The following XYLT1 variants were observed in gnomAD, a reference collection of about 807,000 sequenced individuals.
XYLT1 encodes beta-D-xylosyltransferase 1.
Under a neutral mutation model 91.3 loss-of-function variants are expected in XYLT1, and 36 were observed. The ratio of observed to expected loss-of-function variants is 0.39; its 90% CI spans 0.30 to 0.52. The LOEUF is 0.52. Among genes scored for constraint, XYLT1 ranks in the 20% least tolerant of loss-of-function variants. XYLT1 has a pLI of 0.68. For synonymous variants in XYLT1, 588 were observed against 532.0 expected (o/e 1.11, Z -1.45); for missense variants, 1,242 against 1,284.5 (o/e 0.97, Z 0.51).
intron 1 of XYLT1, among the ~76,000 whole-genome samples, chr16:17,362,806 T>G (rs2035401885): frequency 6.6e-6 from 1 of 152,230 alleles, no homozygotes; most frequent in Non-Finnish European, 1.5e-5. Flanking sequence ...TCTTTGGTGT[T>G]AGGCAATGAC....
chr16:17,337,983 G>A (rs1019383647), intron 2 of XYLT1, among the ~76,000 whole-genome samples: 8 of 151,986 alleles, frequency 5.3e-5, no homozygotes, highest in Middle Eastern at 3.4e-3. Flanking sequence ...CGCCATGTTG[G>A]CCAGGCTGGT....
chr16:17,307,514 G>A (rs1412733682), intron 2 of XYLT1, among the ~76,000 whole-genome samples: 3 of 152,338 alleles, frequency 2.0e-5, no homozygotes, highest in Middle Eastern at 3.4e-3. Flanking sequence ...CTTGGGTGCA[G>A]AGGAAATCTG....
rs967934260 is a variant in XYLT1, at chr16:17,108,631, C to G, written c.*64G>C. ...CAGGGTGGGAGGCCGGGGTTCAGGC[C>G]CCACAACCCCTCTGGCTGCTTTCCC... On this transcript the variant is annotated 3_prime_UTR_variant, in exon 12 of 12. Transcript: ENST00000261381. 6.8e-7 allele frequency: 1 copy of G among 1,467,954 alleles called. No individual in the cohort carries two copies. The highest frequency in any genetic ancestry group is 9.0e-7 in the Non-Finnish European group (1 of 1,104,994). 90.9% of individuals were successfully genotyped at this position (1,467,954 alleles called of 1,614,324 possible). A position where few individuals can be genotyped will look rare whatever the true frequency, so the allele number is the denominator to read the frequency against.
At chr16:17,135,166 C>A (rs999757892) in intron 8 of XYLT1, among the ~76,000 whole-genome samples, 2 of 152,124 alleles carry the variant, frequency 1.3e-5, no homozygotes, top group Non-Finnish European at 2.9e-5. Flanking sequence ...CTTTTGGCTT[C>A]TCTTTAAACA....
intron 1 of XYLT1, among the ~76,000 whole-genome samples, chr16:17,363,050 C>A (rs2035405098): frequency 6.6e-6 from 1 of 152,216 alleles, no homozygotes; most frequent in Non-Finnish European, 1.5e-5. Context: ...CACTGTCACT[C>A]ATCATCCAAC....
chr16:17,421,734 C>T (rs188909221), intron 1 of XYLT1, among the ~76,000 whole-genome samples: 17 of 152,358 alleles, frequency 1.1e-4, no homozygotes, highest in African/African-American at 4.1e-4. Context: ...AACCTCCCAG[C>T]AGAGCCCTTC....
intron 3 of XYLT1, among the ~76,000 whole-genome samples, chr16:17,251,878 G>GAT (rs1313101675): frequency 6.6e-6 from 1 of 152,050 alleles, no homozygotes; most frequent in African/African-American, 2.4e-5. Flanking sequence ...TTCAGGGTGG[G>GAT]ATCTCCAGAG....
intron 1 of XYLT1, among the ~76,000 whole-genome samples, chr16:17,450,024 T>G (rs1442861863): frequency 2.0e-5 from 3 of 152,190 alleles, no homozygotes; most frequent in African/African-American, 7.2e-5. Flanking sequence ...CCAGCTATGA[T>G]GGTGATGGCA....
At chr16:17,204,864 C>T (rs935698743) in intron 3 of XYLT1, among the ~76,000 whole-genome samples, 2 of 148,516 alleles carry the variant, frequency 1.3e-5, no homozygotes, top group African/African-American at 5.0e-5. Flanking sequence ...TGTCAGCTTT[C>T]AGCTGCAGGA....
intron 1 of XYLT1, among the ~76,000 whole-genome samples, chr16:17,438,660 C>G (rs1460520661): frequency 1.3e-5 from 2 of 152,118 alleles, no homozygotes; most frequent in African/African-American, 4.8e-5. Flanking sequence ...CTGTACAGGA[C>G]GCATGGCTAG....
intron 1 of XYLT1, among the ~76,000 whole-genome samples, chr16:17,396,570 T>C (rs1048074874): frequency 6.6e-6 from 1 of 152,096 alleles, no homozygotes. Flanking sequence ...GTTAGGGTAG[T>C]ACATAAAAAA....
At chr16:17,450,333 G>A (rs762331929) in intron 1 of XYLT1, among the ~76,000 whole-genome samples, 2 of 151,102 alleles carry the variant, frequency 1.3e-5, no homozygotes. Context: ...GCGAGACTCC[G>A]TCTCAAAACA....
chr16:17,278,584 C>T (rs1230330876), intron 2 of XYLT1, among the ~76,000 whole-genome samples: 1 of 152,184 alleles, frequency 6.6e-6, no homozygotes, highest in East Asian at 1.9e-4. Context: ...AAAAGTGGAG[C>T]TTCATGGAGC....
intron 2 of XYLT1, among the ~76,000 whole-genome samples, chr16:17,332,577 C>T (rs371131315): frequency 0.099 from 14,146 of 143,502 alleles, 791 homozygotes; most frequent in Middle Eastern, 0.16. Context: ...TACACACACA[C>T]ACACACACAC....
At position 17,189,339 on chromosome 16, in the gene XYLT1, G is replaced by A. The variant is rs113150149; in HGVS notation, c.1289+8873C>T. 3.4e-4 allele frequency among the ~76,000 whole-genome samples: 52 copies of A among 152,262 alleles called. 1 individual carries two copies. The highest frequency in any genetic ancestry group is 1.2e-3 in the African/African-American group (48 of 41,552). On this transcript the variant is annotated intron_variant, in intron 5 of 11. Transcript: ENST00000261381. ...GGGCTAGCATGGGTAGAGAAGATCC[G>A]GTGTGAATGGGAAAGGCCATCAGGC...
intron 3 of XYLT1, among the ~76,000 whole-genome samples, chr16:17,223,943 C>T (rs184479924): frequency 5.3e-5 from 8 of 152,274 alleles, no homozygotes; most frequent in East Asian, 3.9e-4. Flanking sequence ...AACATTGCTA[C>T]GTTTGATTGT....
intron 2 of XYLT1, among the ~76,000 whole-genome samples, chr16:17,330,519 G>A (rs1287646964): frequency 2.0e-5 from 3 of 152,110 alleles, no homozygotes; most frequent in East Asian, 3.9e-4. Flanking sequence ...AGGCATGGTG[G>A]CTCACACCTG....
intron 1 of XYLT1, among the ~76,000 whole-genome samples, chr16:17,390,377 C>T (rs1181496715): frequency 2.6e-5 from 4 of 152,244 alleles, no homozygotes; most frequent in African/African-American, 9.6e-5. Flanking sequence ...GTGCCTAAGT[C>T]GAAAGCAAAA....
chr16:17,150,161 C>T (rs2031247317), intron 6 of XYLT1, among the ~76,000 whole-genome samples: 1 of 152,196 alleles, frequency 6.6e-6, no homozygotes, highest in Non-Finnish European at 1.5e-5. Flanking sequence ...TAATTCTGTC[C>T]AAGCTCTGGA....
Sources: gnomAD v4.1 joint callset for allele counts (sites outside exome capture counted in the v4.1 genomes callset) on GRCh38, gnomAD v4.1.1 for gene constraint, MANE v1.5 for transcripts, NCBI Gene and HGNC (gene_info 2026-07-23, HGNC 2026-07-21) for gene names.